The following AGO3 variants were observed in gnomAD, a reference collection of about 807,000 sequenced individuals.
AGO3 encodes the protein argonaute RISC catalytic component 3, also known as protein argonaute-3.
A neutral mutation model predicts 105.5 loss-of-function variants in AGO3; 16 were observed. The ratio of observed to expected loss-of-function variants is 0.15; its 90% CI spans 0.10 to 0.23. The LOEUF (loss-of-function observed/expected upper bound fraction) is 0.23, where lower values mean the gene tolerates loss of function less well. Ranked by LOEUF, AGO3 falls within the 10% of genes least tolerant of loss-of-function variation. AGO3 has a pLI of 1.00. For synonymous variants in AGO3, 340 were observed against 367.3 expected, an observed-to-expected ratio of 0.93 and a Z score of 0.85; for missense variants, 534 against 1,088.0, an observed-to-expected ratio of 0.49 and a Z score of 7.16.
chr1:36,034,941 G>C (rs1284692976), intron 13 of AGO3, among the ~76,000 whole-genome samples: 1 of 152,178 alleles, frequency 6.6e-6, no homozygotes, highest in African/African-American at 2.4e-5. Context: ...ACATGACCTA[G>C]AAACAGGAGG....
At chr1:35,971,972 A>T (rs1646878438) in intron 3 of AGO3, 52 bp from the exon 4 acceptor site, 1 of 1,498,932 alleles carries the variant, frequency 6.7e-7, no homozygotes. Context: ...ATCTAAAATA[A>T]TTGTATTTAT....
At chr1:36,013,577 G>A (rs1468281219) in intron 9 of AGO3, 53 bp from the exon 10 acceptor site, 3 of 1,607,106 alleles carry the variant, frequency 1.9e-6, no homozygotes, top group African/African-American at 2.7e-5. Context: ...ATGCATTAAA[G>A]TAGGGGATTT....
chr1:36,016,170 A>G (rs946126976), intron 11 of AGO3, among the ~76,000 whole-genome samples: 2 of 152,142 alleles, frequency 1.3e-5, no homozygotes, highest in African/African-American at 4.8e-5. Context: ...TTACCCATCC[A>G]GTTAGGTTAC....
intron 2 of AGO3, among the ~76,000 whole-genome samples, chr1:35,960,479 CA>C (rs896671937): frequency 1.9e-4 from 28 of 150,292 alleles, no homozygotes; most frequent in African/African-American, 6.6e-4. Context: ...GACCTGGTCT[CA>C]AAAAAAAATT....
At chr1:36,040,032 G>A in intron 15 of AGO3, 48 bp downstream of exon 15, 1 of 1,528,652 alleles carries the variant, frequency 6.5e-7, no homozygotes, top group South Asian at 1.2e-5. Context: ...CAGATATTGT[G>A]TTTATAATAT....
intron 14 of AGO3, among the ~76,000 whole-genome samples, chr1:36,037,392 G>A (rs1439856670): frequency 2.6e-5 from 4 of 152,004 alleles, no homozygotes; most frequent in Non-Finnish European, 4.4e-5. Flanking sequence ...GTGGTGGTGG[G>A]TGCCTTTAAT....
intron 5 of AGO3, among the ~76,000 whole-genome samples, chr1:35,986,142 A>C (rs1423268305): frequency 1.3e-5 from 2 of 152,232 alleles, no homozygotes; most frequent in Non-Finnish European, 2.9e-5. Context: ...CATTTGGTAC[A>C]ACTACCCCGG....
chr1:35,931,532 C>T, intron 1 of AGO3, 87 bp downstream of exon 1: 3 of 1,285,604 alleles, frequency 2.3e-6, no homozygotes, highest in Non-Finnish European at 3.0e-6. Context: ...GGCCCAGGTG[C>T]GCGAGGTGAG....
intron 16 of AGO3, 71 bp downstream of exon 16, chr1:36,040,512 A>G: frequency 6.5e-7 from 1 of 1,537,876 alleles, no homozygotes; most frequent in Non-Finnish European, 8.9e-7. Context: ...GCATTCAACA[A>G]GGGCCCTCTG....
chr1:35,985,033 A>G (rs1647139193), intron 5 of AGO3, among the ~76,000 whole-genome samples: 1 of 152,162 alleles, frequency 6.6e-6, no homozygotes, highest in Admixed American at 6.5e-5. Context: ...TGGGTATGCC[A>G]GTATTTCCAG....
chr1:36,018,250 T>C (rs1479831483), intron 11 of AGO3, among the ~76,000 whole-genome samples: 2 of 151,514 alleles, frequency 1.3e-5, no homozygotes, highest in Non-Finnish European at 2.9e-5. Context: ...GAGATTACAG[T>C]TGTGAGCCAC....
intron 14 of AGO3, among the ~76,000 whole-genome samples, chr1:36,037,327 G>C (rs960863871): frequency 1.3e-5 from 2 of 152,108 alleles, no homozygotes; most frequent in Non-Finnish European, 1.5e-5. Context: ...TTCAAGACCA[G>C]CCTGACCAAC....
chr1:36,020,864 A>G (rs1641183844), intron 11 of AGO3, among the ~76,000 whole-genome samples: 1 of 151,392 alleles, frequency 6.6e-6, no homozygotes, highest in South Asian at 2.1e-4. Context: ...TGGTCTACCA[A>G]CCTTGGCCTC....
rs1302535171 is a variant in AGO3 at position 36,008,835 on chromosome 1, G to GT, written c.881+60dup. Reference sequence around the variant, plus strand: ...GAGGCAGCTTGCTCTAGTTAGTGGGGTTGGGAGTTTTTCTGGCTCATAATG... The same window carrying GT: ...GAGGCAGCTTGCTCTAGTTAGTGGGGTTTGGGAGTTTTTCTGGCTCATAATG... On this transcript the variant is annotated intron_variant, in intron 7 of 18. Transcript: ENST00000373191. This position sits in a 1 kb window ranked among gnomAD's most constrained non-coding sequence, Gnocchi z 5.1. 238 of 1,614,040 alleles carry GT rather than the reference G, an allele frequency of 1.5e-4. No individual in the cohort carries two copies. The highest frequency in any genetic ancestry group is 1.0e-3 in the Admixed American group (62 of 60,008).
intron 17 of AGO3, among the ~76,000 whole-genome samples, chr1:36,053,516 C>A (rs1642803559): frequency 1.3e-5 from 2 of 151,926 alleles, no homozygotes; most frequent in Admixed American, 6.6e-5. Context: ...CTTGTTCGAT[C>A]CACCTACCTT....
At chr1:36,053,513 G>T (rs1235552323) in intron 17 of AGO3, among the ~76,000 whole-genome samples, 1 of 151,924 alleles carries the variant, frequency 6.6e-6, no homozygotes, top group African/African-American at 2.4e-5. Context: ...ACTCTTGTTC[G>T]ATCCACCTAC....
chr1:35,948,342 C>T (rs945860413), intron 2 of AGO3, among the ~76,000 whole-genome samples: 2 of 151,756 alleles, frequency 1.3e-5, no homozygotes. Context: ...CTCAGCCTCC[C>T]GAGTAGTTGG....
chr1:36,048,973 CT>C, intron 17 of AGO3, among the ~76,000 whole-genome samples: 1 of 152,338 alleles, frequency 6.6e-6, no homozygotes, highest in Admixed American at 6.5e-5. Context: ...TTCCAAAGTG[CT>C]GGGATTACTG....
rs78094855 is a variant in AGO3 at position 35,940,950 on chromosome 1, G to A, written c.20-4742G>A. On this transcript the variant is annotated intron_variant, in intron 1 of 18. Coordinates refer to ENST00000373191, the MANE Select transcript of AGO3 (RefSeq NM_024852.4). ...AGTCTGTCTGATCTCTAATCCAGTGGTTTTAAATAACACTTCTATGCTGAG... is the reference window on the plus strand; with the variant it reads ...AGTCTGTCTGATCTCTAATCCAGTGATTTTAAATAACACTTCTATGCTGAG... Among the ~76,000 whole-genome samples, 1,255 of 152,116 alleles carry A rather than the reference G, an allele frequency of 8.3e-3. 25 individuals are homozygous for A. The highest frequency in any genetic ancestry group is 0.027 in the African/African-American group (1,128 of 41,472).
Sources: allele counts gnomAD v4.1 joint callset (sites outside exome capture counted in the v4.1 genomes callset), GRCh38; gene constraint gnomAD v4.1.1; non-coding constraint Gnocchi (gnomAD v3.1); transcripts MANE v1.5; gene names NCBI Gene and HGNC (gene_info 2026-07-23, HGNC 2026-07-21).